Variants in FAAH2 observed in about 807,000 individuals in gnomAD.
The protein encoded by FAAH2 is fatty acid amide hydrolase 2.
Under a neutral mutation model 36.9 loss-of-function variants are expected in FAAH2, and 60 were observed. That is an observed-to-expected ratio of 1.63 (90% CI 1.32 to 2.02). The LOEUF is 2.02. FAAH2 is among the 30% of genes most tolerant of loss of function. The pLI, the probability that FAAH2 is intolerant of heterozygous loss-of-function variation, is 0.00. For missense variants in FAAH2, 689 were observed against 397.5 expected (o/e 1.73, Z -6.23); for synonymous variants, 214 against 143.8 (o/e 1.49, Z -3.49).
At chrX:57,161,505 G>A in the FAAH2 span, among the ~76,000 whole-genome samples, 5 of 111,325 alleles carry the variant, frequency 4.5e-5, no homozygotes, top group African/African-American at 1.6e-4. Context: ...AAGTCTCTTT[G>A]TAGGTCACTA....
At chrX:57,367,939 A>G (rs2054457910) in intron 5 of FAAH2, among the ~76,000 whole-genome samples, 2 of 111,859 alleles carry the variant, frequency 1.8e-5, no homozygotes, top group South Asian at 7.5e-4. Flanking sequence ...GCACAGTGCT[A>G]TCTTATAACT....
chrX:57,306,728 GTGTATA>G (rs1224348830), intron 2 of FAAH2, among the ~76,000 whole-genome samples: 520 of 34,940 alleles, frequency 0.015, 2 homozygotes, highest in Admixed American at 0.022. Flanking sequence ...GTGTGTGTGT[GTGTATA>G]TATATACACA....
the FAAH2 span, among the ~76,000 whole-genome samples, chrX:57,223,737 A>G: frequency 3.6e-5 from 4 of 111,774 alleles, no homozygotes; most frequent in Admixed American, 1.9e-4. Flanking sequence ...AGCATTCCCA[A>G]CAACTTCAGA....
intron 7 of FAAH2, among the ~76,000 whole-genome samples, chrX:57,407,015 T>C (rs992594104): frequency 5.4e-5 from 6 of 111,987 alleles, no homozygotes; most frequent in Non-Finnish European, 1.1e-4. Flanking sequence ...AACCATACTC[T>C]CTCCTGCATT....
Position 57,467,401 on chromosome X carries a change from A to T in FAAH2, c.1423+18683A>T, listed in dbSNP as rs530884282. Among the ~76,000 whole-genome samples, 14 of 111,817 alleles carry T rather than the reference A, an allele frequency of 1.3e-4. No individual in the cohort carries two copies. In the East Asian group the frequency reaches 3.4e-3, roughly 27 times the overall value. On this transcript the variant is annotated intron_variant, in intron 10 of 10. Transcript: ENST00000374900. Reference sequence around the variant, plus strand: ...CCTTGAAAATCGGGTCACTCCCACCATAATACTGCACTTTTCCAATGGTCT... The same window carrying T: ...CCTTGAAAATCGGGTCACTCCCACCTTAATACTGCACTTTTCCAATGGTCT...
At chrX:57,340,148 G>A (rs922153932) in intron 4 of FAAH2, among the ~76,000 whole-genome samples, 10 of 111,824 alleles carry the variant, frequency 8.9e-5, no homozygotes, top group Admixed American at 4.7e-4. Flanking sequence ...GAGTCCGAGC[G>A]TCCAAAAGCT....
At chrX:57,421,153 A>G (rs2056012354) in intron 7 of FAAH2, among the ~76,000 whole-genome samples, 1 of 112,463 alleles carries the variant, frequency 8.9e-6, no homozygotes, top group Non-Finnish European at 1.9e-5. Context: ...AGAAGCCACA[A>G]AGGTGTTTTT....
In FAAH2 at chrX:57,371,482, C is replaced by A. The variant is rs768241875; in HGVS notation, c.743-7169C>A. Among the ~76,000 whole-genome samples, 4 of 111,649 alleles carry A rather than the reference C, an allele frequency of 3.6e-5. No homozygotes were observed. In the South Asian group the frequency reaches 1.5e-3, roughly 42 times the overall value. ...ACCACATTTTCTTTATCCAATCCAC[C>A]ATTGATGGGCACCTAGTTTGATTCC... On this transcript the variant is annotated intron_variant, in intron 5 of 10. Coordinates refer to ENST00000374900, the MANE Select transcript of FAAH2 (RefSeq NM_174912.4).
rs1039150563 is a variant in FAAH2, at chrX:57,398,636, G to A, written c.996+17607G>A. 2.7e-5 allele frequency among the ~76,000 whole-genome samples: 3 copies of A among 110,365 alleles called. No individual in the cohort carries two copies. In the Admixed American group the frequency reaches 2.9e-4, roughly 11 times the overall value. ...GACCCAAAGGGGGTTGTCGCTGCCG[G>A]CTCAAATGTCTAGGTTTTATATCCC... On this transcript the variant is annotated intron_variant, in intron 7 of 10. Coordinates refer to ENST00000374900, the MANE Select transcript of FAAH2 (RefSeq NM_174912.4).
At chrX:57,173,395 T>G in the FAAH2 span, among the ~76,000 whole-genome samples, 1 of 112,262 alleles carries the variant, frequency 8.9e-6, no homozygotes, top group South Asian at 3.6e-4. Flanking sequence ...AGTGTTGGTG[T>G]ATAGCAGTGC....
intron 2 of FAAH2, among the ~76,000 whole-genome samples, chrX:57,308,971 A>AT (rs1369357890): frequency 8.9e-6 from 1 of 112,099 alleles, no homozygotes; most frequent in Non-Finnish European, 1.9e-5. Context: ...TATCATATTC[A>AT]TTTTTTAATA....
At position 57,454,634 on chromosome X, in the gene FAAH2, A is replaced by T. The variant is rs1010680957; in HGVS notation, c.1423+5916A>T. 2.7e-5 allele frequency among the ~76,000 whole-genome samples: 3 copies of T among 111,814 alleles called. No individual in the cohort carries two copies. In the East Asian group the frequency reaches 8.4e-4, roughly 31 times the overall value. ...CAAATTAAATTTTTGGAACTGAAAA[A>T]TTTACTTCCAGATCTCCACAATAGA... On this transcript the variant is annotated intron_variant, in intron 10 of 10. Coordinates refer to ENST00000374900, the MANE Select transcript of FAAH2 (RefSeq NM_174912.4).
intron 7 of FAAH2, among the ~76,000 whole-genome samples, chrX:57,405,458 T>G (rs1365087230): frequency 9.1e-6 from 1 of 109,817 alleles, no homozygotes; most frequent in African/African-American, 3.3e-5. Context: ...GTGGTGAGTC[T>G]TTAGCCCGAT....
At chrX:57,147,210 T>C in the FAAH2 span, among the ~76,000 whole-genome samples, 2 of 111,953 alleles carry the variant, frequency 1.8e-5, no homozygotes, top group Non-Finnish European at 3.8e-5. Context: ...TTCTTGTTGG[T>C]AATTTTTAAA....
intron 7 of FAAH2, among the ~76,000 whole-genome samples, chrX:57,404,919 G>A (rs773131897): frequency 8.9e-5 from 10 of 111,918 alleles, no homozygotes; most frequent in Non-Finnish European, 1.9e-4. Context: ...ACAGCTTTCT[G>A]CCTCTAGTCG....
the FAAH2 span, among the ~76,000 whole-genome samples, chrX:57,281,031 T>C: frequency 8.9e-6 from 1 of 111,971 alleles, no homozygotes; most frequent in Admixed American, 9.5e-5. Context: ...ATCATACAAA[T>C]GGAGAACAGA....
At chrX:57,201,395 G>A in the FAAH2 span, among the ~76,000 whole-genome samples, 3 of 108,973 alleles carry the variant, frequency 2.8e-5, no homozygotes, top group Non-Finnish European at 5.7e-5. Context: ...TCCAGCCTGG[G>A]CAACAGAGCC....
In FAAH2 at chrX:57,378,036, G is replaced by T. The variant is rs73626267; in HGVS notation, c.743-615G>T. Reference sequence around the variant, plus strand: ...GCTTATCAGGTTAAGAAAGTTTTGGGCTGAGAGATTGTAGGTGATCAAGAA... The same window carrying T: ...GCTTATCAGGTTAAGAAAGTTTTGGTCTGAGAGATTGTAGGTGATCAAGAA... On this transcript the variant is annotated intron_variant, in intron 5 of 10. Coordinates refer to ENST00000374900, the MANE Select transcript of FAAH2 (RefSeq NM_174912.4). Among the ~76,000 whole-genome samples, 886 of 111,874 alleles carry T rather than the reference G, an allele frequency of 7.9e-3. 6 individuals carry two copies. Among genetic ancestry groups the T allele is most frequent in the African/African-American group, 0.027 (845 of 30,834 alleles).
the FAAH2 span, among the ~76,000 whole-genome samples, chrX:57,262,502 CTCCAAACTCAG>C: frequency 2.7e-5 from 3 of 111,341 alleles, no homozygotes; most frequent in Non-Finnish European, 5.7e-5. Context: ...CCAAGGAAAT[CTCCAAACTCAG>C]ATAGTGTCAA....
Sources: gnomAD v4.1 joint callset for allele counts (sites outside exome capture counted in the v4.1 genomes callset) on GRCh38, gnomAD v4.1.1 for gene constraint, MANE v1.5 for transcripts, NCBI Gene and HGNC (gene_info 2026-07-23, HGNC 2026-07-21) for gene names.